DHX35: variants seen among roughly 807,000 people sequenced by gnomAD.
DHX35 encodes probable ATP-dependent RNA helicase DHX35.
DHX35 carries 84 observed loss-of-function variants against 99.6 expected under a neutral mutation model. The ratio of observed to expected loss-of-function variants is 0.84; its 90% CI spans 0.71 to 1.01. The LOEUF (loss-of-function observed/expected upper bound fraction) is 1.01, where lower values mean the gene tolerates loss of function less well. Among genes scored for constraint, DHX35 ranks in the 50% least tolerant of loss-of-function variants. The pLI, the probability that DHX35 is intolerant of heterozygous loss-of-function variation, is 0.00. For missense variants in DHX35, 852 were observed against 888.5 expected, an observed-to-expected ratio of 0.96 and a Z score of 0.52; for synonymous variants, 331 against 316.2, an observed-to-expected ratio of 1.05 and a Z score of -0.50.
intron 13 of DHX35, among the ~76,000 whole-genome samples, chr20:39,010,736 G>T (rs1320009621): frequency 6.6e-6 from 1 of 152,170 alleles, no homozygotes; most frequent in Non-Finnish European, 1.5e-5. Flanking sequence ...ATCTCACCAG[G>T]TTAGGAGTGG....
chr20:39,021,856 C>T lies in DHX35; in HGVS notation c.1514C>T (p.Ser505Phe). ...MLLESGNFGC[S>F]QEILSIAAMM... is the part of the protein sequence containing the mutation. ...TGTTTTACAGGAAACTTCGGCTGTTCTCAGGAAATTCTAAGCATCGCTGCC... is the reference window on the plus strand; with the variant it reads ...TGTTTTACAGGAAACTTCGGCTGTTTTCAGGAAATTCTAAGCATCGCTGCC... Residue 505 changes from serine (S) to phenylalanine (F), a missense_variant, in exon 16 of 22, where the codon TCT (serine) becomes TTT (phenylalanine). Physicochemically the swap from Ser to Phe is radical, Grantham distance 155. Transcript: ENST00000252011. The T allele has an allele frequency of 1.2e-6, 2 of 1,614,116 alleles. No individual in the cohort carries two copies. Among genetic ancestry groups the T allele is most frequent in the Non-Finnish European group, 8.5e-7 (1 of 1,179,988 alleles).
chr20:38,989,716 A>G (rs1312868137), intron 5 of DHX35, among the ~76,000 whole-genome samples: 1 of 152,200 alleles, frequency 6.6e-6, no homozygotes, highest in Non-Finnish European at 1.5e-5. Flanking sequence ...TTCACTAATT[A>G]GTACTTTTCC....
At chr20:39,028,218 G>T (rs565586435) in intron 18 of DHX35, among the ~76,000 whole-genome samples, 200 bp from the exon 19 acceptor site, 1 of 152,250 alleles carries the variant, frequency 6.6e-6, no homozygotes, top group East Asian at 1.9e-4. Flanking sequence ...CAGCAGTTGT[G>T]GGGAGTGGGA....
At chr20:39,022,617 C>T (rs541017906) in intron 16 of DHX35, among the ~76,000 whole-genome samples, 1 of 152,310 alleles carries the variant, frequency 6.6e-6, no homozygotes, top group South Asian at 2.1e-4. Flanking sequence ...ATTCAGACTG[C>T]TCTGCTAGAA....
chr20:39,028,707 T>A (rs954800356), intron 19 of DHX35, among the ~76,000 whole-genome samples: 11 of 152,270 alleles, frequency 7.2e-5, no homozygotes, highest in African/African-American at 2.4e-4. Flanking sequence ...TCAGCTCATC[T>A]ATATGTTGTA....
intron 20 of DHX35, among the ~76,000 whole-genome samples, chr20:39,033,005 C>T (rs1184444375): frequency 6.6e-6 from 1 of 152,078 alleles, no homozygotes; most frequent in African/African-American, 2.4e-5. Flanking sequence ...TTTTGAGAGG[C>T]TGAGGCCAGA....
chr20:39,006,278 G>A lies in DHX35; in HGVS notation c.1144G>A (p.Val382Ile). ...TAIECLVVVP[V>I]SQASANQRAG... ...TATTGAATGCTTGGTGGTGGTGCCA[G>A]TCTCCCAGGCATCAGCTAATCAGCG... Residue 382 changes from valine (V) to isoleucine (I), a missense_variant, in exon 12 of 22, where the codon GTC (valine) becomes ATC (isoleucine). Val to Ile is a conservative substitution (Grantham distance 29). Coordinates refer to ENST00000252011, the MANE Select transcript of DHX35 (RefSeq NM_021931.4). 6.2e-7 allele frequency: 1 copy of A among 1,614,144 alleles called. No individual in the cohort carries two copies. The highest frequency in any genetic ancestry group is 8.5e-7 in the Non-Finnish European group (1 of 1,180,026).
chr20:38,980,485 C>T (rs2086154499), intron 3 of DHX35, among the ~76,000 whole-genome samples: 1 of 148,074 alleles, frequency 6.8e-6, no homozygotes, highest in Non-Finnish European at 1.5e-5. Flanking sequence ...TACTCATTGA[C>T]TCTTAGCTAT....
At chr20:38,987,467 C>T (rs4812347) in intron 4 of DHX35, among the ~76,000 whole-genome samples, 23,246 of 152,156 alleles carry the variant, frequency 0.15, 1,901 homozygotes, top group East Asian at 0.29. Flanking sequence ...TGGTCTTGAA[C>T]TCCTGACCTC....
intron 21 of DHX35, among the ~76,000 whole-genome samples, chr20:39,036,927 G>A (rs1304214337): frequency 1.3e-5 from 2 of 152,140 alleles, no homozygotes; most frequent in African/African-American, 4.8e-5. Context: ...TATGGTAGAT[G>A]TTCCTTTACT....
intron 20 of DHX35, among the ~76,000 whole-genome samples, chr20:39,033,266 A>T (rs2087088699): frequency 6.6e-6 from 1 of 152,080 alleles, no homozygotes; most frequent in South Asian, 2.1e-4. Context: ...ATCAAGAGAG[A>T]TGCAAAACCT....
chr20:38,976,787 A>G (rs1399604353), intron 3 of DHX35, among the ~76,000 whole-genome samples: 13 of 152,034 alleles, frequency 8.6e-5, no homozygotes. Context: ...CCTAGTATCC[A>G]CTGTTCTATT....
chr20:38,980,044 C>G (rs920782684), intron 3 of DHX35, among the ~76,000 whole-genome samples: 2 of 152,172 alleles, frequency 1.3e-5, no homozygotes, highest in Non-Finnish European at 2.9e-5. Context: ...CTCCGTGACT[C>G]TCCACTGCCT....
At chr20:38,969,412 A>T (rs1029112808) in intron 2 of DHX35, among the ~76,000 whole-genome samples, 198 bp downstream of exon 2, 1 of 152,200 alleles carries the variant, frequency 6.6e-6, no homozygotes, top group Non-Finnish European at 1.5e-5. Context: ...AGATTTTTTC[A>T]GTTGCATCGT....
Position 38,992,408 on chromosome 20 carries a change from A to G in DHX35, c.565A>G (p.Ile189Val). 1.9e-6 allele frequency: 3 copies of G among 1,613,944 alleles called. No individual in the cohort carries two copies. The highest frequency in any genetic ancestry group is 2.5e-6 in the Non-Finnish European group (3 of 1,179,910). Reference sequence around the variant, plus strand: ...GAGGACCTTGTACACTGACATTGCCATTGGCTTGCTAAAAAAGGTATGACT... The same window carrying G: ...GAGGACCTTGTACACTGACATTGCCGTTGGCTTGCTAAAAAAGGTATGACT... ...HERTLYTDIAIGLLKKIQKKR... is the reference protein window; with the variant it reads ...HERTLYTDIAVGLLKKIQKKR... Residue 189 changes from isoleucine (I) to valine (V), a missense_variant, in exon 7 of 22, where the codon ATT becomes GTT. Transcript: ENST00000252011.
chr20:39,006,731 G>A (rs2086625416), intron 12 of DHX35, among the ~76,000 whole-genome samples: 1 of 152,192 alleles, frequency 6.6e-6, no homozygotes, highest in Non-Finnish European at 1.5e-5. Context: ...GAGTCTTGCG[G>A]AGCCTCACAT....
intron 17 of DHX35, among the ~76,000 whole-genome samples, chr20:39,024,794 G>A (rs1219262098): frequency 6.6e-6 from 1 of 152,166 alleles, no homozygotes; most frequent in Non-Finnish European, 1.5e-5. Flanking sequence ...GAAAAATCAT[G>A]CTTTGGGGAC....
At chr20:39,018,387 C>T (rs936420441) in intron 14 of DHX35, among the ~76,000 whole-genome samples, 4 of 151,920 alleles carry the variant, frequency 2.6e-5, no homozygotes, top group Non-Finnish European at 2.9e-5. Flanking sequence ...CCAGCAGAGC[C>T]GAGTGCTGCT....
chr20:39,013,352 AGTTAC>A (rs928409995), intron 13 of DHX35, among the ~76,000 whole-genome samples: 1 of 152,238 alleles, frequency 6.6e-6, no homozygotes, highest in Admixed American at 6.5e-5. Flanking sequence ...CATCCCAAGT[AGTTAC>A]TGTGAAGTTT....
Sources: allele counts gnomAD v4.1 joint callset (sites outside exome capture counted in the v4.1 genomes callset), GRCh38; gene constraint gnomAD v4.1.1; transcripts MANE v1.5; gene names NCBI Gene and HGNC (gene_info 2026-07-23, HGNC 2026-07-21).